Variants in SLC7A11 observed in about 807,000 individuals in gnomAD.
The protein encoded by SLC7A11 is cystine/glutamate transporter.
A neutral mutation model predicts 54.5 loss-of-function variants in SLC7A11; 35 were observed. The ratio of observed to expected loss-of-function variants is 0.64; its 90% CI spans 0.49 to 0.85. SLC7A11 has a LOEUF of 0.85. SLC7A11 is among the 40% of genes least tolerant of loss of function. SLC7A11 has a pLI of 0.00. For missense variants in SLC7A11, 583 were observed against 618.1 expected, an observed-to-expected ratio of 0.94 and a Z score of 0.60; for synonymous variants, 230 against 225.2, an observed-to-expected ratio of 1.02 and a Z score of -0.19.
chr4:138,200,470 T>G (rs1189910913), intron 6 of SLC7A11, among the ~76,000 whole-genome samples: 2 of 152,220 alleles, frequency 1.3e-5, no homozygotes, highest in East Asian at 3.9e-4. Flanking sequence ...CTGACACATT[T>G]TTAAAAGCAG....
chr4:138,177,118 A>C (rs1736589873), intron 11 of SLC7A11: 1 of 152,158 alleles, frequency 6.6e-6, no homozygotes, highest in African/African-American at 2.4e-5. Context: ...AATAAAAGGT[A>C]TTAATAAAAC....
chr4:138,222,075 A>G (rs1046952906), intron 4 of SLC7A11, among the ~76,000 whole-genome samples: 4 of 152,216 alleles, frequency 2.6e-5, no homozygotes, highest in Non-Finnish European at 5.9e-5. Context: ...TCTTCTCTTC[A>G]GTGCAAGCTC....
chr4:138,189,788 T>C (rs1736964153), intron 6 of SLC7A11, among the ~76,000 whole-genome samples: 1 of 152,186 alleles, frequency 6.6e-6, no homozygotes, highest in South Asian at 2.1e-4. Context: ...AAATGACTAT[T>C]GTTTCCAGTG....
chr4:138,236,325 C>T lies in SLC7A11; in HGVS notation c.404G>A (p.Arg135His), dbSNP rs367543374. ...TTAATTCTTTCTACTATGCTCTTAC[C>T]GTATTATGAGGAGTTCCACCCAGAC... Reference protein sequence around the residue: ...VRVWVELLIIRPAATAVISLA... With the variant: ...VRVWVELLIIHPAATAVISLA... The change falls in exon 2 of 12, where the codon CGC becomes CAC. Residue 135 changes from arginine to histidine, a missense_variant and splice_region_variant. By Grantham distance (29) the Arg-to-His change is conservative. Coordinates refer to ENST00000280612, the MANE Select transcript of SLC7A11 (RefSeq NM_014331.4). 9.4e-6 allele frequency: 15 copies of T among 1,601,606 alleles called. No individual in the cohort carries two copies. Among genetic ancestry groups the T allele is most frequent in the Non-Finnish European group, 1.1e-5 (13 of 1,175,818 alleles).
intron 3 of SLC7A11, 47 bp downstream of exon 3, chr4:138,232,220 T>C (rs1327383582): frequency 8.1e-7 from 1 of 1,231,056 alleles, no homozygotes; most frequent in Non-Finnish European, 1.2e-6. Context: ...TCTTCAATCA[T>C]TTTTGTGTTG....
intron 1 of SLC7A11, among the ~76,000 whole-genome samples, chr4:138,237,722 TATATATATA>T (rs1560742526): frequency 5.8e-4 from 6 of 10,322 alleles, no homozygotes; most frequent in Non-Finnish European, 1.2e-3. Flanking sequence ...TATATATATA[TATATATATA>T]TATATATTTT....
At chr4:138,235,106 GC>G (rs1313022132) in intron 2 of SLC7A11, among the ~76,000 whole-genome samples, 1 of 152,124 alleles carries the variant, frequency 6.6e-6, no homozygotes, top group African/African-American at 2.4e-5. Context: ...AAGGTATCAT[GC>G]TCAATGCCAA....
intron 6 of SLC7A11, among the ~76,000 whole-genome samples, chr4:138,190,319 C>T (rs1736979340): frequency 2.0e-5 from 3 of 151,952 alleles, no homozygotes; most frequent in Admixed American, 6.6e-5. Flanking sequence ...AGATTTAAAA[C>T]ATAAAGGGAA....
At chr4:138,177,788 A>G (rs1706346900) in intron 11 of SLC7A11, 1 of 152,020 alleles carries the variant, frequency 6.6e-6, no homozygotes, top group Admixed American at 6.6e-5. Context: ...GTCATCTACT[A>G]TGTTTTCTCC....
chr4:138,186,437 C>T (rs1013927757), intron 6 of SLC7A11, among the ~76,000 whole-genome samples: 2 of 152,266 alleles, frequency 1.3e-5, no homozygotes, highest in South Asian at 4.1e-4. Flanking sequence ...ACAGCGATAT[C>T]CCCTGTTGAA....
At position 138,236,449 on chromosome 4, in the gene SLC7A11, C is replaced by G; in HGVS notation, c.280G>C (p.Ala94Pro). 6.2e-7 allele frequency: 1 copy of G among 1,601,732 alleles called. No individual in the cohort carries two copies. The highest frequency in any genetic ancestry group is 8.5e-7 in the Non-Finnish European group (1 of 1,176,276). The change falls in exon 2 of 12, where the codon GCT becomes CCT. Residue 94 changes from alanine (A) to proline (P), a missense_variant and splice_region_variant. Coordinates refer to ENST00000280612, the MANE Select transcript of SLC7A11 (RefSeq NM_014331.4). The part of the protein sequence containing the change: ...TVCGVLSLFG[A>P]LSYAELGTTI... ...GTTCCCAATTCAGCATAAGACAAAGCTCCTGTGAAATATTTGTCACAAAAT... is the reference window on the plus strand; with the variant it reads ...GTTCCCAATTCAGCATAAGACAAAGGTCCTGTGAAATATTTGTCACAAAAT...
chr4:138,229,586 C>T (rs1738025162), intron 3 of SLC7A11, among the ~76,000 whole-genome samples: 1 of 152,206 alleles, frequency 6.6e-6, no homozygotes, highest in African/African-American at 2.4e-5. Context: ...TATTCCGTCA[C>T]CAATGTCTAC....
intron 9 of SLC7A11, among the ~76,000 whole-genome samples, chr4:138,181,543 AAG>A (rs1266884118): frequency 6.6e-6 from 1 of 152,156 alleles, no homozygotes; most frequent in African/African-American, 2.4e-5. Context: ...ATACTTTAAA[AAG>A]AAATTTCAAG....
intron 6 of SLC7A11, among the ~76,000 whole-genome samples, chr4:138,207,642 T>G (rs1737439887): frequency 6.6e-6 from 1 of 152,104 alleles, no homozygotes; most frequent in Admixed American, 6.6e-5. Flanking sequence ...GAGGTGGAGT[T>G]GCAGTGAGCC....
chr4:138,202,836 G>C (rs1027733850), intron 6 of SLC7A11, among the ~76,000 whole-genome samples: 1 of 152,072 alleles, frequency 6.6e-6, no homozygotes, highest in African/African-American at 2.4e-5. Context: ...CAAGTGCAGA[G>C]CTACCTTCAC....
At position 138,241,800 on chromosome 4, in the gene SLC7A11, T is replaced by C; in HGVS notation, c.270A>G (p.Ser90=). The stretch of plus-strand genomic sequence containing the variant: ...AGAAAAAGTCGCACTCACCAAATAG[T>C]GACAGGACCCCACACACCGTCCAGA... The part of the protein sequence containing the change: ...LTIWTVCGVL[S]LFGALSYAEL... The change falls in exon 1 of 12, where the codon TCA becomes TCG. Residue 90 remains serine (S), a synonymous_variant. Coordinates refer to ENST00000280612, the MANE Select transcript of SLC7A11 (RefSeq NM_014331.4). 6 of 1,612,750 alleles carry C rather than the reference T, an allele frequency of 3.7e-6. No individual in the cohort carries two copies. The highest frequency in any genetic ancestry group is 5.1e-6 in the Non-Finnish European group (6 of 1,179,104).
chr4:138,211,047 T>C (rs1268525584), intron 6 of SLC7A11, among the ~76,000 whole-genome samples: 1 of 151,828 alleles, frequency 6.6e-6, no homozygotes, highest in Non-Finnish European at 1.5e-5. Flanking sequence ...CATATACATG[T>C]ACTATGCAGC....
intron 11 of SLC7A11, among the ~76,000 whole-genome samples, chr4:138,173,073 C>T (rs773486437): frequency 9.9e-5 from 15 of 152,016 alleles, no homozygotes; most frequent in Non-Finnish European, 1.6e-4. Flanking sequence ...GAACTCCTGG[C>T]CTCAAGTGAT....
Position 138,242,231 on chromosome 4 carries a change from T to C in SLC7A11, c.-162A>G. The C allele has an allele frequency of 1.3e-6, 1 of 752,802 alleles. No individual in the cohort carries two copies. Among genetic ancestry groups the C allele is most frequent in the South Asian group, 1.9e-5 (1 of 53,712 alleles). 46.6% of individuals were successfully genotyped at this position (752,802 alleles called of 1,614,324 possible). A position where few individuals can be genotyped will look rare whatever the true frequency, so the allele number is the denominator to read the frequency against. On this transcript the variant is annotated 5_prime_UTR_variant, in exon 1 of 12. Transcript: ENST00000280612. The stretch of plus-strand genomic sequence containing the variant: ...GAAAACTCAAAGGTGTGCTTTTTCC[T>C]TCACAGCGATCTAATTACTACTCAG...
Sources: gnomAD v4.1 joint callset for allele counts (sites outside exome capture counted in the v4.1 genomes callset) on GRCh38, gnomAD v4.1.1 for gene constraint, MANE v1.5 for transcripts, NCBI Gene and HGNC (gene_info 2026-07-23, HGNC 2026-07-21) for gene names.